Variants in EYA2 observed in about 807,000 individuals in gnomAD.
EYA2 encodes EYA transcriptional coactivator and phosphatase 2.
In EYA2, 31 loss-of-function variants were observed where a neutral mutation model predicts 69.2. That is an observed-to-expected ratio of 0.45 (90% CI 0.34 to 0.60). The LOEUF is 0.60. EYA2 is among the 20% of genes least tolerant of loss of function. The probability of loss-of-function intolerance (pLI) is 0.02; values close to 1 mark genes in which losing one functional copy is unlikely to be tolerated. For missense variants in EYA2, 622 were observed against 701.2 expected, an observed-to-expected ratio of 0.89 and a Z score of 1.28; for synonymous variants, 257 against 279.4, an observed-to-expected ratio of 0.92 and a Z score of 0.80.
intron 5 of EYA2, 155 bp from the exon 6 acceptor site, chr20:47,072,030 C>A: frequency 1.4e-6 from 1 of 699,162 alleles, no homozygotes; most frequent in Non-Finnish European, 2.5e-6. Flanking sequence ...GCTTTGGGAA[C>A]GCTGGTGTGA....
At chr20:47,094,704 A>C (rs1032486126) in intron 8 of EYA2, among the ~76,000 whole-genome samples, 2 of 152,190 alleles carry the variant, frequency 1.3e-5, no homozygotes, top group Non-Finnish European at 2.9e-5. Context: ...AATAATGATC[A>C]CCAGAAAAAT....
Position 47,008,051 on chromosome 20 carries a change from C to T in EYA2, c.298+2967C>T, listed in dbSNP as rs187317995. 3.8e-3 allele frequency among the ~76,000 whole-genome samples: 583 copies of T among 152,192 alleles called. 6 individuals are homozygous for T. The highest frequency in any genetic ancestry group is 0.013 in the African/African-American group (544 of 41,508). On this transcript the variant is annotated intron_variant, in intron 4 of 15. Coordinates refer to ENST00000327619, the MANE Select transcript of EYA2 (RefSeq NM_005244.5). The stretch of plus-strand genomic sequence containing the variant: ...AGCAGGAAATGTTGGAGGCCTGGGG[C>T]GAGGCCATGGCAGCGGACAGACACA...
chr20:46,975,247 T>C (rs984755579), intron 1 of EYA2, among the ~76,000 whole-genome samples: 3 of 152,236 alleles, frequency 2.0e-5, no homozygotes, highest in African/African-American at 7.2e-5. Context: ...AACCTCAGTT[T>C]CCTGGCTTTG....
In EYA2 at chr20:46,983,346, A is replaced by G. The variant is rs141140232; in HGVS notation, c.-10-6655A>G. ...CAAAAGAAAAGTTTTTCTGCTGGCT[A>G]TTGATGATAGTAGAGGCAAATCACT... On this transcript the variant is annotated intron_variant, in intron 1 of 15. Transcript: ENST00000327619. Among the ~76,000 whole-genome samples the G allele has an allele frequency of 3.1e-3, 466 of 152,286 alleles. 1 individual carries two copies. Among genetic ancestry groups the G allele is most frequent in the African/African-American group, 0.011 (447 of 41,556 alleles).
At chr20:47,041,104 C>CCCTGT (rs1473799934) in intron 5 of EYA2, among the ~76,000 whole-genome samples, 2 of 152,188 alleles carry the variant, frequency 1.3e-5, no homozygotes, top group African/African-American at 4.8e-5. Flanking sequence ...GCCCCCAGGT[C>CCCTGT]CCTGCTCCTC....
At chr20:47,119,327 C>T (rs1326494862) in intron 9 of EYA2, among the ~76,000 whole-genome samples, 5 of 152,190 alleles carry the variant, frequency 3.3e-5, no homozygotes, top group Admixed American at 2.0e-4. Flanking sequence ...TCTGTGAATT[C>T]GTGAACTTTC....
At chr20:47,002,794 A>G (rs1323273318) in intron 3 of EYA2, among the ~76,000 whole-genome samples, 1 of 152,220 alleles carries the variant, frequency 6.6e-6, no homozygotes, top group Non-Finnish European at 1.5e-5. Context: ...GAGCTAGTCC[A>G]TATTGATGGA....
intron 5 of EYA2, among the ~76,000 whole-genome samples, chr20:47,063,944 C>T (rs916852574): frequency 3.9e-5 from 6 of 152,140 alleles, no homozygotes; most frequent in African/African-American, 1.2e-4. Flanking sequence ...AGAACCTGGG[C>T]GACTAATAGT....
At chr20:47,092,391 A>T (rs999055630) in intron 8 of EYA2, among the ~76,000 whole-genome samples, 2 of 152,192 alleles carry the variant, frequency 1.3e-5, no homozygotes, top group Non-Finnish European at 2.9e-5. Context: ...GAGATTTTGC[A>T]CAATCCCTTC....
chr20:46,949,251 T>C (rs1337825452), intron 1 of EYA2, among the ~76,000 whole-genome samples: 4 of 152,250 alleles, frequency 2.6e-5, no homozygotes, highest in African/African-American at 9.6e-5. Flanking sequence ...TATATTGTGC[T>C]TCATAAGATG....
At chr20:46,961,510 C>T (rs996805402) in intron 1 of EYA2, among the ~76,000 whole-genome samples, 66 of 152,154 alleles carry the variant, frequency 4.3e-4, no homozygotes, top group African/African-American at 1.4e-3. Context: ...TCCAGCGATC[C>T]CACTACTGGG....
At chr20:47,119,389 G>A (rs1218326415) in intron 9 of EYA2, among the ~76,000 whole-genome samples, 1 of 152,146 alleles carries the variant, frequency 6.6e-6, no homozygotes, top group African/African-American at 2.4e-5. Flanking sequence ...TCTCCCAGTG[G>A]GGCCTAATTC....
At chr20:47,161,217 C>A (rs1600756577) in intron 10 of EYA2, 9 of 482,962 alleles carry the variant, frequency 1.9e-5, no homozygotes, top group South Asian at 9.7e-5. Flanking sequence ...ATCTTGCTCC[C>A]CCAGTAGCCT....
chr20:47,162,304 T>C (rs60893663), intron 10 of EYA2, among the ~76,000 whole-genome samples: 2,811 of 152,232 alleles, frequency 0.018, 98 homozygotes, highest in African/African-American at 0.064. Context: ...GGCATGTTCC[T>C]ACACTCCTCT....
At chr20:46,971,672 C>G (rs1182023252) in intron 1 of EYA2, among the ~76,000 whole-genome samples, 1 of 152,210 alleles carries the variant, frequency 6.6e-6, no homozygotes, top group Non-Finnish European at 1.5e-5. Flanking sequence ...ATAATTAGCA[C>G]AGATCAGTGG....
At chr20:47,070,532 C>T (rs2031276163) in intron 5 of EYA2, among the ~76,000 whole-genome samples, 1 of 152,220 alleles carries the variant, frequency 6.6e-6, no homozygotes, top group Non-Finnish European at 1.5e-5. Context: ...TGTAATTCTA[C>T]TCTTAGGGAT....
At chr20:47,162,507 A>G (rs1376447662) in intron 10 of EYA2, among the ~76,000 whole-genome samples, 1 of 141,076 alleles carries the variant, frequency 7.1e-6, no homozygotes, top group African/African-American at 2.6e-5. Context: ...CAGTACATAC[A>G]CACATTATCC....
intron 1 of EYA2, among the ~76,000 whole-genome samples, chr20:46,981,063 A>G (rs1600604484): frequency 6.6e-6 from 1 of 152,214 alleles, no homozygotes; most frequent in South Asian, 2.1e-4. Flanking sequence ...GCAGAACAGG[A>G]TAAGTTCACC....
At chr20:46,899,680 G>C (rs190336378) in intron 1 of EYA2, among the ~76,000 whole-genome samples, 3 of 152,308 alleles carry the variant, frequency 2.0e-5, no homozygotes, top group Admixed American at 1.3e-4. Flanking sequence ...CCGAGAGTCA[G>C]GTAGCTGGAA....
Sources: gnomAD v4.1 joint callset for allele counts (sites outside exome capture counted in the v4.1 genomes callset) on GRCh38, gnomAD v4.1.1 for gene constraint, MANE v1.5 for transcripts, NCBI Gene and HGNC (gene_info 2026-07-23, HGNC 2026-07-21) for gene names.